TMC8: variants seen among roughly 807,000 people sequenced by gnomAD.
TMC8 encodes the protein transmembrane channel like 8.
Under a neutral mutation model 76.0 loss-of-function variants are expected in TMC8, and 71 were observed. That is an observed-to-expected ratio of 0.93 (90% CI 0.77 to 1.14). TMC8 has a LOEUF of 1.14. TMC8 is among the 50% of genes most tolerant of loss of function. The probability of loss-of-function intolerance (pLI) is 0.00; values close to 1 mark genes in which losing one functional copy is unlikely to be tolerated. For missense variants in TMC8, 924 were observed against 947.9 expected, an observed-to-expected ratio of 0.97 and a Z score of 0.33; for synonymous variants, 433 against 433.8, an observed-to-expected ratio of 1.00 and a Z score of 0.02.
intron 3 of TMC8, 112 bp downstream of exon 3, chr17:78,132,142 A>G (rs1323936267): frequency 2.0e-6 from 3 of 1,487,496 alleles, no homozygotes; most frequent in Admixed American, 3.9e-5. Context: ...TCCCCCGACC[A>G]ATCGGCCCCT....
rs781684540 is a variant in TMC8, at chr17:78,134,874, C to T, written c.992C>T (p.Ser331Phe). ...CTGACCTGCCTTTTCCCGCAGGAGT[C>T]CCTGTTTCTGCTGCTCCAGTACCTG... ...TKYSQDNKEE[S>F]LFLLLQYLPP... is the part of the protein sequence containing the mutation. Residue 331 changes from serine (S) to phenylalanine (F), a missense_variant, in exon 9 of 16, where the codon TCC becomes TTC. Ser to Phe is a radical substitution (Grantham distance 155). Transcript: ENST00000318430. The T allele has an allele frequency of 1.2e-6, 2 of 1,614,012 alleles. No homozygotes were observed. The highest frequency in any genetic ancestry group is 1.3e-5 in the African/African-American group (1 of 75,052).
At position 78,137,264 on chromosome 17, in the gene TMC8, G is replaced by A. The variant is rs2075257066; in HGVS notation, c.1157G>A (p.Gly386Glu). 2 of 1,613,814 alleles carry A rather than the reference G, an allele frequency of 1.2e-6. No homozygotes were observed. Among genetic ancestry groups the A allele is most frequent in the African/African-American group, 2.7e-5 (2 of 74,914 alleles). Residue 386 changes from glycine to glutamate, a missense_variant, in exon 10 of 16, where the codon GGG becomes GAG. Coordinates refer to ENST00000318430, the MANE Select transcript of TMC8 (RefSeq NM_152468.5). ...GTGGTGCTGAAGCTGGCCAGCTTGG[G>A]GATGTTCTCCGTCTCCCTGGGTCAG... ...WCVVLKLASL[G>E]MFSVSLGQTI... is the part of the protein sequence containing the mutation.
chr17:78,133,294 C>G, intron 5 of TMC8, 112 bp from the exon 6 acceptor site: 1 of 1,547,442 alleles, frequency 6.5e-7, no homozygotes, highest in Non-Finnish European at 8.9e-7. Context: ...TAAGACGGGA[C>G]ACTCCCTACC....
In TMC8 at chr17:78,132,558, T is replaced by TG. The variant is rs554327602; in HGVS notation, c.448+57dup. On this transcript the variant is annotated intron_variant, in intron 4 of 15. Coordinates refer to ENST00000318430, the MANE Select transcript of TMC8 (RefSeq NM_152468.5). Reference sequence around the variant, plus strand: ...AGTGCTCCGGTGCCCACCTGCGCCATGGGGGGGCTGGCCCAGGGCCCAGAG... The same window carrying TG: ...AGTGCTCCGGTGCCCACCTGCGCCATGGGGGGGGCTGGCCCAGGGCCCAGAG... The TG allele has an allele frequency of 4.2e-4, 655 of 1,577,604 alleles. 2 individuals carry two copies. In the African/African-American group the frequency reaches 5.3e-3, roughly 13 times the overall value.
Position 78,135,011 on chromosome 17 carries a change from T to G in TMC8, c.1127+2T>G. 1 of 1,613,908 alleles carries G rather than the reference T, an allele frequency of 6.2e-7. No homozygotes were observed. Among genetic ancestry groups the G allele is most frequent in the Non-Finnish European group, 8.5e-7 (1 of 1,179,928 alleles). ...GGAGGTCAACCTCACTCTGATCTGG[T>G]GAGTGCCACCCTTGGTGGGGACAAG... On this transcript the variant is annotated splice_donor_variant, in intron 9 of 15. Transcript: ENST00000318430. LOFTEE classifies it high-confidence loss of function.
In TMC8 at chr17:78,140,998, G is replaced by A; in HGVS notation, c.2067G>A (p.Pro689=). ...PCPGSPGHQA[P]RPGPSVVDAA... ...CTGGCTCCCCGGGCCACCAGGCCCC[G>A]CGGCCGGGCCCCTCCGTCGTGGATG... The change falls in exon 16 of 16, where the codon CCG becomes CCA. Residue 689 remains proline (P), a synonymous_variant. Transcript: ENST00000318430. 6.3e-7 allele frequency: 1 copy of A among 1,593,156 alleles called. No individual in the cohort carries two copies. The highest frequency in any genetic ancestry group is 1.7e-4 in the Middle Eastern group (1 of 5,848).
At chr17:78,138,867 A>T (rs2075303557) in intron 14 of TMC8, 135 bp downstream of exon 14, 1 of 1,541,406 alleles carries the variant, frequency 6.5e-7, no homozygotes, top group Non-Finnish European at 8.7e-7. Flanking sequence ...GCCTCTGAAA[A>T]GCAGGAACCT....
rs773877370 is a variant in TMC8 at position 78,133,991 on chromosome 17, C to G, written c.807C>G (p.Asn269Lys). 1.9e-6 allele frequency: 3 copies of G among 1,613,724 alleles called. No homozygotes were observed. Among genetic ancestry groups the G allele is most frequent in the South Asian group, 2.2e-5 (2 of 91,086 alleles). ...CCATCAAGAAGCATGAGATCAGCAA[C>G]GAGTTCAAGGTGTGTGCACGAGTGA... ...AATIKKHEIS[N>K]EFKVELEEGR... The change falls in exon 7 of 16, where the codon AAC (asparagine) becomes AAG (lysine). Residue 269 changes from asparagine (N) to lysine (K), a missense_variant. Asn to Lys is a moderately conservative substitution (Grantham distance 94). Transcript: ENST00000318430.
rs1195275056 is a variant in TMC8 at position 78,131,901 on chromosome 17, G to A, written c.169G>A (p.Gly57Arg). ...RLIWQLREPA[G>R]VQTLRWQRWQ... ...GTCCAGGCAGCTGCGGGAGCCCGCG[G>A]GGGTGCAGACCTTGCGCTGGCAGCG... The change falls in exon 3 of 16, where the codon GGG becomes AGG. Residue 57 changes from glycine to arginine, a missense_variant. Coordinates refer to ENST00000318430, the MANE Select transcript of TMC8 (RefSeq NM_152468.5). 1 of 1,475,222 alleles carries A rather than the reference G, an allele frequency of 6.8e-7. No homozygotes were observed. The highest frequency in any genetic ancestry group is 2.6e-5 in the East Asian group (1 of 39,100). 91.4% of individuals were successfully genotyped at this position (1,475,222 alleles called of 1,614,324 possible).
At chr17:78,137,650 G>A (rs2075268191) in intron 10 of TMC8, 67 bp from the exon 11 acceptor site, 3 of 1,415,622 alleles carry the variant, frequency 2.1e-6, no homozygotes, top group African/African-American at 2.8e-5. Context: ...ACCCTCACAG[G>A]AGGCTAAGGG....
chr17:78,136,890 T>C (rs2075246927), intron 9 of TMC8: 1 of 351,496 alleles, frequency 2.8e-6, no homozygotes, highest in East Asian at 7.4e-5. Context: ...GGCGAAACCC[T>C]GTCTGTACTC....
Position 78,138,094 on chromosome 17 carries a change from C to G in TMC8, c.1439C>G (p.Ala480Gly), listed in dbSNP as rs199577034. The G allele has an allele frequency of 3.1e-6, 5 of 1,613,842 alleles. No individual in the cohort carries two copies. In the African/African-American group the frequency reaches 6.7e-5, roughly 22 times the overall value. ...CCCAAGAATGTGCTGGACATCGTGG[C>G]GGGGCAGACGGTCACCTGGATGGGC... ...LVPKNVLDIV[A>G]GQTVTWMGLF... is the part of the protein sequence containing the mutation. Residue 480 changes from alanine (A) to glycine (G), a missense_variant, in exon 12 of 16, where the codon GCG becomes GGG. By Grantham distance (60) the Ala-to-Gly change is moderately conservative. Coordinates refer to ENST00000318430, the MANE Select transcript of TMC8 (RefSeq NM_152468.5).
At chr17:78,136,832 CG>C (rs1478383148) in intron 9 of TMC8, 1 of 336,434 alleles carries the variant, frequency 3.0e-6, no homozygotes, top group Non-Finnish European at 5.8e-6. Flanking sequence ...GAGGCCAAGG[CG>C]GGTGGATCAC....
chr17:78,131,899 C>T lies in TMC8; in HGVS notation c.167C>T (p.Ala56Val). 6.8e-7 allele frequency: 1 copy of T among 1,469,926 alleles called. No individual in the cohort carries two copies. Among genetic ancestry groups the T allele is most frequent in the Non-Finnish European group, 8.9e-7 (1 of 1,117,336 alleles). The allele number at this position is 1,469,926 out of a possible 1,614,324, so 91.1% of individuals were successfully genotyped here. ...CCGTCCAGGCAGCTGCGGGAGCCCG[C>T]GGGGGTGCAGACCTTGCGCTGGCAG... ...KRLIWQLREP[A>V]GVQTLRWQRW... Residue 56 changes from alanine to valine, a missense_variant, in exon 3 of 16, where the codon GCG becomes GTG. Ala to Val is a moderately conservative substitution (Grantham distance 64). Coordinates refer to ENST00000318430, the MANE Select transcript of TMC8 (RefSeq NM_152468.5).
intron 11 of TMC8, 61 bp from the exon 12 acceptor site, chr17:78,137,944 A>C: frequency 6.2e-7 from 1 of 1,608,334 alleles, no homozygotes; most frequent in African/African-American, 1.3e-5. Flanking sequence ...TGTGGCCATG[A>C]CCAATACAGC....
At chr17:78,138,507 G>A (rs1291676914) in intron 13 of TMC8, 28 bp downstream of exon 13, 1 of 1,613,592 alleles carries the variant, frequency 6.2e-7, no homozygotes, top group Admixed American at 1.7e-5. Flanking sequence ...GGGGCACCCA[G>A]AGGCTGGCAG....
chr17:78,133,784 C>T (rs2075121242), intron 6 of TMC8, 69 bp from the exon 7 acceptor site: 10 of 1,608,394 alleles, frequency 6.2e-6, no homozygotes, highest in African/African-American at 4.0e-5. Flanking sequence ...GACCCAGAGC[C>T]GAGCCAAGGC....
In TMC8 at chr17:78,138,465, C is replaced by A. The variant is rs775338814; in HGVS notation, c.1650C>A (p.Gly550=). 5 of 1,613,260 alleles carry A rather than the reference C, an allele frequency of 3.1e-6. No individual in the cohort carries two copies. In the African/African-American group the frequency reaches 6.7e-5, roughly 22 times the overall value. ...TGCTTCTGGCTGCAGTGCCCCTGGG[C>A]TATGTGGTCAGCAGGTGAGGGGAAG... ...LGLLLAAVPL[G]YVVSSIHSSW... Residue 550 remains glycine (G), a synonymous_variant, in exon 13 of 16, where the codon GGC becomes GGA. Transcript: ENST00000318430.
rs1268584332 is a variant in TMC8 at position 78,133,523 on chromosome 17, T to C, written c.649T>C (p.Phe217Leu). The C allele has an allele frequency of 6.2e-7, 1 of 1,613,050 alleles. No individual in the cohort carries two copies. Among genetic ancestry groups the C allele is most frequent in the Non-Finnish European group, 8.5e-7 (1 of 1,180,004 alleles). The change falls in exon 6 of 16, where the codon TTC becomes CTC. Residue 217 changes from phenylalanine (F) to leucine (L), a missense_variant. Transcript: ENST00000318430. ...CCCGCTGGCCTGCCTGCTCCTCTGCTTCTGTGGGACTCTGCGGCGGTGAGA... is the reference window on the plus strand; with the variant it reads ...CCCGCTGGCCTGCCTGCTCCTCTGCCTCTGTGGGACTCTGCGGCGGTGAGA... ...LSPLACLLLC[F>L]CGTLRRMVKG...
Sources: gnomAD v4.1 joint callset for allele counts on GRCh38, gnomAD v4.1.1 for gene constraint, MANE v1.5 for transcripts, NCBI Gene and HGNC (gene_info 2026-07-23, HGNC 2026-07-21) for gene names.